The following ENTREP2 variants were observed in gnomAD, a reference collection of about 807,000 sequenced individuals.
ENTREP2 encodes protein ENTREP2.
At chr15:29,572,674 A>G in the ENTREP2 span, among the ~76,000 whole-genome samples, 1 of 152,078 alleles carries the variant, frequency 6.6e-6, no homozygotes, top group African/African-American at 2.4e-5. Flanking sequence ...TTGACATTGT[A>G]TACTATTCAA....
the ENTREP2 span, chr15:29,610,109 G>C: frequency 1.3e-5 from 2 of 150,592 alleles, no homozygotes. Flanking sequence ...AGCCCTGTTG[G>C]AGCTCACAGT....
At chr15:29,600,446 CATCATCATCATCATCATCATCATCA>C in the ENTREP2 span, among the ~76,000 whole-genome samples, 1 of 135,192 alleles carries the variant, frequency 7.4e-6, no homozygotes, top group Non-Finnish European at 1.5e-5. Context: ...CCACCATCAT[CATCATCATCATCATCATCATCATCA>C]ATCATCATCA....
chr15:29,132,446 G>A, the ENTREP2 span, among the ~76,000 whole-genome samples: 2 of 152,186 alleles, frequency 1.3e-5, no homozygotes, highest in Admixed American at 6.5e-5. Flanking sequence ...CTGCTGCCAG[G>A]CGGGCGCCCA....
chr15:29,610,698 T>G, the ENTREP2 span: 1 of 150,194 alleles, frequency 6.7e-6, no homozygotes, highest in African/African-American at 2.4e-5. Context: ...GCCATAACAT[T>G]TTCCCAGATT....
At chr15:29,583,570 C>A in the ENTREP2 span, among the ~76,000 whole-genome samples, 1 of 152,146 alleles carries the variant, frequency 6.6e-6, no homozygotes, top group Admixed American at 6.5e-5. Flanking sequence ...TTGATAGGTG[C>A]AGCAAACCAC....
the ENTREP2 span, among the ~76,000 whole-genome samples, chr15:29,501,957 TCTAA>T: frequency 5.9e-5 from 9 of 151,396 alleles, no homozygotes; most frequent in African/African-American, 1.9e-4. Context: ...TCAGAAAAAA[TCTAA>T]CTAAAGAAGT....
the ENTREP2 span, among the ~76,000 whole-genome samples, chr15:29,628,501 G>C: frequency 6.6e-6 from 1 of 152,174 alleles, no homozygotes; most frequent in African/African-American, 2.4e-5. Flanking sequence ...TTGTCACTTA[G>C]AATATTCTAT....
the ENTREP2 span, among the ~76,000 whole-genome samples, chr15:29,392,207 C>T: frequency 6.6e-6 from 1 of 152,062 alleles, no homozygotes; most frequent in Non-Finnish European, 1.5e-5. Context: ...TGTGATCCAC[C>T]CGCCTCGGCC....
At chr15:29,439,656 G>A in the ENTREP2 span, among the ~76,000 whole-genome samples, 1 of 152,126 alleles carries the variant, frequency 6.6e-6, no homozygotes, top group Admixed American at 6.5e-5. Flanking sequence ...GAAGAAACAG[G>A]ACATTTGCAA....
the ENTREP2 span, among the ~76,000 whole-genome samples, chr15:29,629,253 T>A: frequency 6.6e-6 from 1 of 152,188 alleles, no homozygotes; most frequent in Non-Finnish European, 1.5e-5. Flanking sequence ...TCTCTGTTTT[T>A]CAGTTCGTCA....
chr15:29,125,066 G>A, the ENTREP2 span, among the ~76,000 whole-genome samples: 1 of 152,196 alleles, frequency 6.6e-6, no homozygotes, highest in African/African-American at 2.4e-5. Context: ...CACCCTGGAA[G>A]GCATGTGCCT....
At chr15:29,485,353 CT>C in the ENTREP2 span, among the ~76,000 whole-genome samples, 1 of 152,158 alleles carries the variant, frequency 6.6e-6, no homozygotes, top group Non-Finnish European at 1.5e-5. Context: ...GACCTGGCCC[CT>C]GGTTCCCGAG....
chr15:29,487,523 G>C, the ENTREP2 span, among the ~76,000 whole-genome samples: 11 of 152,150 alleles, frequency 7.2e-5, no homozygotes, highest in Non-Finnish European at 1.0e-4. Context: ...AAATCTCTTT[G>C]ACAGCACTAG....
chr15:29,134,194 A>G, the ENTREP2 span, among the ~76,000 whole-genome samples: 2 of 152,218 alleles, frequency 1.3e-5, no homozygotes, highest in African/African-American at 2.4e-5. Context: ...GGAAAACTAA[A>G]CAACATTGGG....
the ENTREP2 span, among the ~76,000 whole-genome samples, chr15:29,573,608 T>C: frequency 1.4e-5 from 2 of 144,244 alleles, no homozygotes; most frequent in Admixed American, 1.4e-4. Flanking sequence ...GTCTATTCTC[T>C]CTCTTCTTTC....
At chr15:29,180,121 A>T in the ENTREP2 span, among the ~76,000 whole-genome samples, 3 of 152,172 alleles carry the variant, frequency 2.0e-5, no homozygotes, top group African/African-American at 4.8e-5. Flanking sequence ...ATAGGAGTGG[A>T]GGAACACATT....
At chr15:29,190,049 C>G in the ENTREP2 span, among the ~76,000 whole-genome samples, 1 of 152,196 alleles carries the variant, frequency 6.6e-6, no homozygotes, top group African/African-American at 2.4e-5. Context: ...CATCGGGAAG[C>G]AGGGACATGG....
chr15:29,664,272 G>T, the ENTREP2 span, among the ~76,000 whole-genome samples: 2 of 152,100 alleles, frequency 1.3e-5, no homozygotes, highest in Admixed American at 6.6e-5. Flanking sequence ...AACGTGAGAG[G>T]TGCACTCTGG....
At chr15:29,265,118 G>C in the ENTREP2 span, 1 of 151,896 alleles carries the variant, frequency 6.6e-6, no homozygotes, top group Admixed American at 6.6e-5. Context: ...TAACTAAATA[G>C]CCCAATAAAA....
Sources: gnomAD v4.1 joint callset for allele counts (sites outside exome capture counted in the v4.1 genomes callset) on GRCh38, gnomAD v4.1.1 for gene constraint, MANE v1.5 for transcripts, NCBI Gene and HGNC (gene_info 2026-07-23, HGNC 2026-07-21) for gene names.